The following HSF5 variants were observed in gnomAD, a reference collection of about 807,000 sequenced individuals.
The protein encoded by HSF5 is heat shock factor protein 5.
HSF5 carries 5 observed loss-of-function variants against 50.8 expected under a neutral mutation model. The observed-to-expected ratio is 0.10, with a 90% confidence interval of 0.05 to 0.21. The LOEUF (loss-of-function observed/expected upper bound fraction) is 0.21. HSF5 is among the 10% of genes least tolerant of loss of function. The pLI is 1.00. For missense variants in HSF5, 564 were observed against 762.6 expected (o/e 0.74, Z 3.07); for synonymous variants, 307 against 307.4 (o/e 1.00, Z 0.02).
intron 5 of HSF5, among the ~76,000 whole-genome samples, chr17:58,428,531 C>T (rs533093109): frequency 3.3e-5 from 5 of 152,030 alleles, no homozygotes; most frequent in East Asian, 1.9e-4. Context: ...TGGTGGCGGG[C>T]GCCTGTAGTC....
intron 5 of HSF5, among the ~76,000 whole-genome samples, chr17:58,455,706 T>C (rs916303096): frequency 6.6e-6 from 1 of 151,976 alleles, no homozygotes; most frequent in Admixed American, 6.6e-5. Flanking sequence ...CAAAAGAAGA[T>C]ACACAAATGA....
intron 2 of HSF5, among the ~76,000 whole-genome samples, chr17:58,472,640 CA>C (rs142639672): frequency 6.2e-4 from 95 of 152,312 alleles, no homozygotes; most frequent in African/African-American, 2.2e-3. Flanking sequence ...GGCCACATAA[CA>C]TGATATAATC....
intron 3 of HSF5, among the ~76,000 whole-genome samples, chr17:58,465,525 A>G (rs1221194183): frequency 1.3e-5 from 2 of 151,930 alleles, no homozygotes; most frequent in Admixed American, 1.3e-4. Context: ...ATGCTTGATC[A>G]TATCAGCCAT....
chr17:58,435,978 G>A (rs1567906685), intron 5 of HSF5, among the ~76,000 whole-genome samples: 1 of 150,296 alleles, frequency 6.7e-6, no homozygotes, highest in Non-Finnish European at 1.5e-5. Flanking sequence ...TACTTACTAT[G>A]TAACCCAGCA....
chr17:58,422,457 T>C, intron 5 of HSF5, 27 bp from the exon 6 acceptor site: 1 of 1,589,648 alleles, frequency 6.3e-7, no homozygotes, highest in Non-Finnish European at 8.6e-7. Context: ...GTTTACTCCC[T>C]CTTAGCCTCT....
intron 2 of HSF5, among the ~76,000 whole-genome samples, chr17:58,472,667 C>T (rs1255072174): frequency 6.6e-6 from 1 of 152,114 alleles, no homozygotes; most frequent in African/African-American, 2.4e-5. Flanking sequence ...AAGTTCATAT[C>T]CAATGATTAA....
intron 2 of HSF5, among the ~76,000 whole-genome samples, chr17:58,471,710 T>C (rs559627568): frequency 1.3e-5 from 2 of 151,454 alleles, no homozygotes; most frequent in Non-Finnish European, 2.9e-5. Context: ...TCTCAGCCTC[T>C]GAAGGTGCTG....
intron 5 of HSF5, among the ~76,000 whole-genome samples, chr17:58,426,628 A>G (rs1410121855): frequency 6.6e-6 from 1 of 152,218 alleles, no homozygotes; most frequent in Non-Finnish European, 1.5e-5. Flanking sequence ...TTCTTCAGGA[A>G]TGAATTGAAC....
chr17:58,487,010 C>A (rs962285647), intron 1 of HSF5, among the ~76,000 whole-genome samples: 83 of 149,926 alleles, frequency 5.5e-4, no homozygotes, highest in African/African-American at 1.9e-3. Flanking sequence ...TGGGTTCAAG[C>A]GATTCTCCTG....
intron 5 of HSF5, among the ~76,000 whole-genome samples, chr17:58,446,919 G>A (rs1027564468): frequency 2.6e-5 from 4 of 152,198 alleles, no homozygotes; most frequent in Non-Finnish European, 5.9e-5. Flanking sequence ...GAGGTCAGGA[G>A]TTGGAGACTA....
chr17:58,453,975 TC>T (rs1459388945), intron 5 of HSF5, among the ~76,000 whole-genome samples: 1 of 151,974 alleles, frequency 6.6e-6, no homozygotes, highest in Non-Finnish European at 1.5e-5. Context: ...GCGCCTGTAG[TC>T]CCAGCTACTT....
Position 58,487,909 on chromosome 17 carries a change from C to T in HSF5, c.366G>A (p.Gln122=), listed in dbSNP as rs755976916. 20 of 1,610,994 alleles carry T rather than the reference C, an allele frequency of 1.2e-5. No individual in the cohort carries two copies. The African/African-American group carries it at 1.3e-4, about 11-fold the overall frequency. Residue 122 remains glutamine (Q), a synonymous_variant, in exon 1 of 6, where the codon CAG becomes CAA. Coordinates refer to ENST00000323777, the MANE Select transcript of HSF5 (RefSeq NM_001080439.3). ...TGAGGCGCTTGAGGTGCACGAGCAG[C>T]TGTGGCTGGTCGCGGCGGAAGTGCG... The part of the protein sequence containing the change: ...HNPHFRRDQP[Q]LLVHLKRLTS...
At chr17:58,433,551 T>C (rs1231319258) in intron 5 of HSF5, among the ~76,000 whole-genome samples, 1 of 152,198 alleles carries the variant, frequency 6.6e-6, no homozygotes, top group African/African-American at 2.4e-5. Flanking sequence ...GGTTCATCAA[T>C]ATTTAGAAAT....
intron 5 of HSF5, among the ~76,000 whole-genome samples, chr17:58,441,918 T>C (rs1043958102): frequency 1.3e-5 from 2 of 152,258 alleles, no homozygotes; most frequent in African/African-American, 4.8e-5. Context: ...TATCCTATTC[T>C]AATACTCTAA....
At chr17:58,452,712 C>T (rs566148060) in intron 5 of HSF5, among the ~76,000 whole-genome samples, 3 of 152,366 alleles carry the variant, frequency 2.0e-5, no homozygotes, top group East Asian at 1.9e-4. Context: ...CTCTGCCCAG[C>T]GGCCGCACCA....
intron 2 of HSF5, among the ~76,000 whole-genome samples, chr17:58,475,394 T>G (rs1974999833): frequency 6.6e-6 from 1 of 152,176 alleles, no homozygotes. Context: ...AAAAGAAAAT[T>G]TAAAAATAAA....
intron 1 of HSF5, among the ~76,000 whole-genome samples, chr17:58,487,431 G>A (rs920158882): frequency 6.6e-6 from 1 of 152,234 alleles, no homozygotes; most frequent in Non-Finnish European, 1.5e-5. Flanking sequence ...TCAAACCGGG[G>A]ACGAGTAGAA....
Position 58,480,754 on chromosome 17 carries a change from C to T in HSF5, c.551-487G>A, listed in dbSNP as rs186579375. Among the ~76,000 whole-genome samples the T allele has an allele frequency of 6.6e-5, 7 of 106,844 alleles. No individual in the cohort carries two copies. The East Asian group carries it at 1.6e-3, about 24-fold the overall frequency. 70.1% of individuals were successfully genotyped at this position (106,844 alleles called of 152,430 possible). A position where few individuals can be genotyped will look rare whatever the true frequency, so the allele number is the denominator to read the frequency against. ...TATAACAAGATAAAAAAAAAAGTAACGCTCTTTGCTATCTATCTATCTATC... is the reference window on the plus strand; with the variant it reads ...TATAACAAGATAAAAAAAAAAGTAATGCTCTTTGCTATCTATCTATCTATC... On this transcript the variant is annotated intron_variant, in intron 1 of 5. Transcript: ENST00000323777.
chr17:58,477,074 C>T (rs1265752439), intron 2 of HSF5: 4 of 474,888 alleles, frequency 8.4e-6, no homozygotes, highest in Admixed American at 3.4e-5. Context: ...GCGCTGCCCT[C>T]GCGGCCTGAC....
Sources: gnomAD v4.1 joint callset for allele counts (sites outside exome capture counted in the v4.1 genomes callset) on GRCh38, gnomAD v4.1.1 for gene constraint, MANE v1.5 for transcripts, NCBI Gene and HGNC (gene_info 2026-07-23, HGNC 2026-07-21) for gene names.